The following PLCXD2 variants were observed in gnomAD, a reference collection of about 807,000 sequenced individuals.
PLCXD2 encodes the protein PI-PLC X domain-containing protein 2.
PLCXD2 carries 21 observed loss-of-function variants against 28.6 expected under a neutral mutation model. That is an observed-to-expected ratio of 0.73 (90% confidence interval 0.52 to 1.06). The LOEUF (loss-of-function observed/expected upper bound fraction) is 1.06, where lower values mean the gene tolerates loss of function less well. PLCXD2 is among the 50% of genes least tolerant of loss of function. The probability of loss-of-function intolerance (pLI) is 0.00; values close to 1 mark genes in which losing one functional copy is unlikely to be tolerated. For synonymous variants in PLCXD2, 140 were observed against 150.1 expected, an observed-to-expected ratio of 0.93 and a Z score of 0.49; for missense variants, 369 against 376.7, an observed-to-expected ratio of 0.98 and a Z score of 0.17.
At chr3:111,718,848 C>T (rs1041067326) in intron 3 of PLCXD2, among the ~76,000 whole-genome samples, 3 of 152,138 alleles carry the variant, frequency 2.0e-5, no homozygotes, top group African/African-American at 4.8e-5. Context: ...CTCTATGCTG[C>T]CTGTGGTAGT....
At chr3:111,697,535 T>A (rs995985548) in intron 1 of PLCXD2, among the ~76,000 whole-genome samples, 5 of 152,224 alleles carry the variant, frequency 3.3e-5, no homozygotes, top group Admixed American at 2.0e-4. Flanking sequence ...CTGTTTATAT[T>A]AGGGAAAGAT....
chr3:111,701,902 G>A (rs1441294894), intron 1 of PLCXD2, among the ~76,000 whole-genome samples: 1 of 152,208 alleles, frequency 6.6e-6, no homozygotes, highest in Non-Finnish European at 1.5e-5. Flanking sequence ...GAGGCACTTT[G>A]TGGGGATGAG....
chr3:111,723,536 T>C (rs1559800275), intron 3 of PLCXD2: 2 of 152,248 alleles, frequency 1.3e-5, no homozygotes, highest in African/African-American at 4.8e-5. Flanking sequence ...TCCTCCATGC[T>C]GCTTGGAGCT....
In PLCXD2 at chr3:111,714,057, G is replaced by T. The variant is rs61755448; in HGVS notation, c.795G>T (p.Ala265=). Residue 265 remains alanine (A), a synonymous_variant, in exon 3 of 5, where the codon GCG becomes GCT. Coordinates refer to ENST00000477665, the MANE Select transcript of PLCXD2 (RefSeq NM_001185106.1). Reference sequence around the variant, plus strand: ...GGGGCTCCTTCCATGTCTCCCAAGCGATCCTCACCCCCAGAGTGAAGACCA... The same window carrying T: ...GGGGCTCCTTCCATGTCTCCCAAGCTATCCTCACCCCCAGAGTGAAGACCA... The T allele has an allele frequency of 2.2e-4, 361 of 1,614,030 alleles. 1 individual carries two copies. Among genetic ancestry groups the T allele is most frequent in the Non-Finnish European group, 2.9e-4 (346 of 1,180,024 alleles).
At chr3:111,696,435 A>AT (rs1027999913) in intron 1 of PLCXD2, among the ~76,000 whole-genome samples, 6 of 151,974 alleles carry the variant, frequency 3.9e-5, no homozygotes, top group Non-Finnish European at 7.4e-5. Flanking sequence ...TTTGCCTAGA[A>AT]TTTTTTTTAG....
chr3:111,681,577 G>GTACC (rs1171452857), intron 1 of PLCXD2, among the ~76,000 whole-genome samples: 11 of 151,998 alleles, frequency 7.2e-5, no homozygotes, highest in African/African-American at 2.7e-4. Context: ...CAACACACAT[G>GTACC]TACCACCCAT....
chr3:111,708,822 A>C (rs1372551193), intron 2 of PLCXD2, among the ~76,000 whole-genome samples: 3 of 152,194 alleles, frequency 2.0e-5, no homozygotes, highest in Non-Finnish European at 2.9e-5. Context: ...GCTGACTGAA[A>C]CATAGTGATT....
chr3:111,697,479 T>G lies in PLCXD2; in HGVS notation c.164-10447T>G, dbSNP rs116623711. On this transcript the variant is annotated intron_variant, in intron 1 of 4. Coordinates refer to ENST00000477665, the MANE Select transcript of PLCXD2 (RefSeq NM_001185106.1). ...GAACTATGCATTAATATTTTTAATT[T>G]GTAGAAAAAAATACAGAAAAACTTC... 2.1e-3 allele frequency among the ~76,000 whole-genome samples: 316 copies of G among 152,330 alleles called. 2 individuals are homozygous for G. The highest frequency in any genetic ancestry group is 7.3e-3 in the African/African-American group (305 of 41,574).
Position 111,708,018 on chromosome 3 carries a change from T to C in PLCXD2, c.256T>C (p.Leu86=), listed in dbSNP as rs1941144004. The change falls in exon 2 of 5, where the codon TTG becomes CTG. Residue 86 remains leucine, a synonymous_variant. Coordinates refer to ENST00000477665, the MANE Select transcript of PLCXD2 (RefSeq NM_001185106.1). ...TATCAAACGCCTCGCCAGGATCTCC[T>C]TGGTGAAGAAGCTAATGAAGAAGTG... The C allele has an allele frequency of 1.2e-6, 2 of 1,614,192 alleles. No homozygotes were observed. The highest frequency in any genetic ancestry group is 8.5e-7 in the Non-Finnish European group (1 of 1,180,032).
chr3:111,723,893 T>A (rs1363974926), intron 3 of PLCXD2: 1 of 152,208 alleles, frequency 6.6e-6, no homozygotes, highest in East Asian at 1.9e-4. Context: ...AACTTCAAGA[T>A]CAGCTAAGAA....
At chr3:111,720,572 A>G (rs1284666616) in intron 3 of PLCXD2, among the ~76,000 whole-genome samples, 151 bp from the exon 4 acceptor site, 1 of 152,284 alleles carries the variant, frequency 6.6e-6, no homozygotes, top group Non-Finnish European at 1.5e-5. Context: ...TGAAGGAGAT[A>G]TAAAGCTTAA....
At position 111,688,646 on chromosome 3, in the gene PLCXD2, C is replaced by T. The variant is rs75470924; in HGVS notation, c.163+13238C>T. Among the ~76,000 whole-genome samples the T allele has an allele frequency of 5.7e-3, 867 of 152,278 alleles. 6 individuals are homozygous for T. The highest frequency in any genetic ancestry group is 0.02 in the African/African-American group (811 of 41,568). Reference sequence around the variant, plus strand: ...ACTTTCCCTTATGGCCCAAAGCTGTCAGGTAAATAAAGATACTTTGATCAG... The same window carrying T: ...ACTTTCCCTTATGGCCCAAAGCTGTTAGGTAAATAAAGATACTTTGATCAG... On this transcript the variant is annotated intron_variant, in intron 1 of 4. Transcript: ENST00000477665.
chr3:111,721,817 C>T (rs1941349598), intron 3 of PLCXD2: 1 of 152,218 alleles, frequency 6.6e-6, no homozygotes, highest in African/African-American at 2.4e-5. Context: ...CTGCCTAGGA[C>T]TCAGGTCTGC....
At chr3:111,692,406 G>T (rs1448707784) in intron 1 of PLCXD2, 3 of 152,294 alleles carry the variant, frequency 2.0e-5, no homozygotes, top group Non-Finnish European at 4.4e-5. Flanking sequence ...AAGGGGGAGA[G>T]AATTTTTAAA....
intron 2 of PLCXD2, among the ~76,000 whole-genome samples, chr3:111,712,086 C>T: frequency 6.6e-6 from 1 of 152,188 alleles, no homozygotes; most frequent in East Asian, 1.9e-4. Flanking sequence ...CCCTGAGTGA[C>T]AGTTGCTGCA....
intron 3 of PLCXD2, 110 bp downstream of exon 3, chr3:111,714,238 A>G (rs1941238718): frequency 7.3e-7 from 1 of 1,377,838 alleles, no homozygotes; most frequent in South Asian, 1.5e-5. Flanking sequence ...TTAGAAAAAC[A>G]ACAAAACAAG....
rs554198122 is a variant in PLCXD2 at position 111,685,658 on chromosome 3, T to C, written c.163+10250T>C. ...TACAAAAAGGTTGTTAAAGCAAATA[T>C]GGTTATCTCAGAGCTGAGAAGGCTT... On this transcript the variant is annotated intron_variant, in intron 1 of 4. Coordinates refer to ENST00000477665, the MANE Select transcript of PLCXD2 (RefSeq NM_001185106.1). Among the ~76,000 whole-genome samples, 22 of 152,314 alleles carry C rather than the reference T, an allele frequency of 1.4e-4. No individual in the cohort carries two copies. The East Asian group carries it at 1.9e-3, about 13-fold the overall frequency.
At chr3:111,684,047 T>C (rs1261184966) in intron 1 of PLCXD2, among the ~76,000 whole-genome samples, 1 of 152,060 alleles carries the variant, frequency 6.6e-6, no homozygotes, top group African/African-American at 2.4e-5. Flanking sequence ...AAAAGCCATG[T>C]TAGGCCAGGC....
chr3:111,676,441 G>T (rs775845340), intron 1 of PLCXD2, among the ~76,000 whole-genome samples: 2 of 152,062 alleles, frequency 1.3e-5, no homozygotes, highest in African/African-American at 2.4e-5. Context: ...TGCAACTCCC[G>T]ATCTTTGCTT....
Sources: gnomAD v4.1 joint callset for allele counts (sites outside exome capture counted in the v4.1 genomes callset) on GRCh38, gnomAD v4.1.1 for gene constraint, MANE v1.5 for transcripts, NCBI Gene and HGNC (gene_info 2026-07-23, HGNC 2026-07-21) for gene names.